Variants in TRPC7 observed in about 807,000 individuals in gnomAD.
TRPC7 encodes short transient receptor potential channel 7.
Under a neutral mutation model 90.1 loss-of-function variants are expected in TRPC7, and 42 were observed. That is an observed-to-expected ratio of 0.47 (90% confidence interval 0.36 to 0.60). The LOEUF (loss-of-function observed/expected upper bound fraction) is 0.60. Ranked by LOEUF, TRPC7 falls within the 20% of genes least tolerant of loss-of-function variation. The pLI is 0.00. For synonymous variants in TRPC7, 451 were observed against 436.3 expected (o/e 1.03, Z -0.42); for missense variants, 955 against 1,112.3 (o/e 0.86, Z 2.01).
At chr5:136,302,499 A>G (rs1758436464) in intron 3 of TRPC7, among the ~76,000 whole-genome samples, 1 of 150,894 alleles carries the variant, frequency 6.6e-6, no homozygotes, top group Admixed American at 6.6e-5. Context: ...GAACCCCTGA[A>G]CCCCTTCCCT....
chr5:136,271,807 G>A (rs556914585), intron 4 of TRPC7, among the ~76,000 whole-genome samples: 21 of 152,258 alleles, frequency 1.4e-4, no homozygotes, highest in African/African-American at 5.1e-4. Flanking sequence ...CAACATATTA[G>A]TAAGCTGAAC....
At chr5:136,323,169 T>C (rs1207497804) in intron 2 of TRPC7, among the ~76,000 whole-genome samples, 2 of 152,224 alleles carry the variant, frequency 1.3e-5, no homozygotes, top group African/African-American at 4.8e-5. Flanking sequence ...AAAACCCCTT[T>C]CACTTGGCTC....
chr5:136,221,421 G>C (rs143285017), intron 10 of TRPC7, among the ~76,000 whole-genome samples: 1 of 152,148 alleles, frequency 6.6e-6, no homozygotes, highest in Non-Finnish European at 1.5e-5. Context: ...GCCCAGACCC[G>C]GCCCAAACTA....
chr5:136,227,901 G>C (rs1337079521), intron 8 of TRPC7, among the ~76,000 whole-genome samples: 3 of 152,234 alleles, frequency 2.0e-5, no homozygotes, highest in Non-Finnish European at 4.4e-5. Flanking sequence ...CAGACATTTA[G>C]TAAGCCCTCA....
chr5:136,261,973 G>A (rs1049584168), intron 5 of TRPC7, among the ~76,000 whole-genome samples: 26 of 152,208 alleles, frequency 1.7e-4, no homozygotes, highest in African/African-American at 6.3e-4. Flanking sequence ...TTTCTAATAT[G>A]CCAGTGCTTG....
intron 3 of TRPC7, among the ~76,000 whole-genome samples, chr5:136,304,319 T>C (rs757015122): frequency 6.6e-5 from 10 of 152,154 alleles, no homozygotes; most frequent in Admixed American, 2.0e-4. Flanking sequence ...CACAGCACTC[T>C]TTAAAAGGAT....
At chr5:136,364,001 C>T (rs1271713626) in intron 1 of TRPC7, among the ~76,000 whole-genome samples, 7 of 152,092 alleles carry the variant, frequency 4.6e-5, no homozygotes, top group Non-Finnish European at 1.0e-4. Flanking sequence ...TTGATGATTT[C>T]ACTGACCTCT....
intron 5 of TRPC7, 89 bp from the exon 6 acceptor site, chr5:136,251,971 T>C (rs765439611): frequency 3.9e-6 from 4 of 1,032,250 alleles, no homozygotes; most frequent in East Asian, 2.4e-5. Context: ...AGAGTACAAA[T>C]GTAAATATCA....
chr5:136,269,300 G>A (rs1291086048), intron 4 of TRPC7, among the ~76,000 whole-genome samples: 1 of 152,184 alleles, frequency 6.6e-6, no homozygotes, highest in Non-Finnish European at 1.5e-5. Flanking sequence ...TTGGCTCTGA[G>A]AAATATATGA....
chr5:136,360,070 A>G (rs1760522081), intron 1 of TRPC7, among the ~76,000 whole-genome samples: 1 of 152,292 alleles, frequency 6.6e-6, no homozygotes, highest in South Asian at 2.1e-4. Flanking sequence ...GTCAGACTAC[A>G]AGGTCAAGGG....
intron 4 of TRPC7, among the ~76,000 whole-genome samples, chr5:136,274,011 C>G (rs980577913): frequency 1.3e-5 from 2 of 152,158 alleles, no homozygotes; most frequent in African/African-American, 4.8e-5. Flanking sequence ...GGACACTCCC[C>G]CTCAGGGAAA....
chr5:136,360,060 G>C (rs181516747), intron 1 of TRPC7, among the ~76,000 whole-genome samples: 186 of 152,198 alleles, frequency 1.2e-3, no homozygotes, highest in Non-Finnish European at 2.2e-3. Flanking sequence ...GGGAGAATAG[G>C]TCAGACTACA....
intron 1 of TRPC7, among the ~76,000 whole-genome samples, chr5:136,359,888 C>T (rs1760514940): frequency 6.6e-6 from 1 of 152,146 alleles, no homozygotes; most frequent in Non-Finnish European, 1.5e-5. Context: ...CTCTCAGAAA[C>T]ACTTTTTTTT....
chr5:136,263,080 A>C (rs918430472), intron 5 of TRPC7, among the ~76,000 whole-genome samples: 5 of 152,248 alleles, frequency 3.3e-5, no homozygotes, highest in African/African-American at 4.8e-5. Context: ...TCATGAATTC[A>C]TAGAGTGAAA....
At chr5:136,326,286 T>G (rs887511021) in intron 2 of TRPC7, among the ~76,000 whole-genome samples, 1 of 152,212 alleles carries the variant, frequency 6.6e-6, no homozygotes, top group African/African-American at 2.4e-5. Context: ...GACAACTCAT[T>G]GTCAAGACCC....
chr5:136,273,932 G>T (rs1462123720), intron 4 of TRPC7, among the ~76,000 whole-genome samples: 1 of 152,196 alleles, frequency 6.6e-6, no homozygotes, highest in Non-Finnish European at 1.5e-5. Flanking sequence ...GGGATGTGGG[G>T]ATGGTGGAGC....
chr5:136,258,042 A>G (rs138469047), intron 5 of TRPC7, among the ~76,000 whole-genome samples: 2 of 152,268 alleles, frequency 1.3e-5, no homozygotes, highest in African/African-American at 4.8e-5. Flanking sequence ...TTTGAAATGA[A>G]TGAATTTGGA....
Position 136,266,201 on chromosome 5 carries a change from AAT to A in TRPC7, c.1345+17_1345+18del. ...CTATAATTAGCAAGGAGAGAATAAAAATAGAGTGACTTGCTTACCTAAGACCC... is the reference window on the plus strand; with the variant it reads ...CTATAATTAGCAAGGAGAGAATAAAAAGAGTGACTTGCTTACCTAAGACCC... On this transcript the variant is annotated intron_variant, in intron 5 of 11. Coordinates refer to ENST00000513104, the MANE Select transcript of TRPC7 (RefSeq NM_020389.3). The A allele has an allele frequency of 6.2e-7, 1 of 1,600,620 alleles. No homozygotes were observed. The highest frequency in any genetic ancestry group is 8.6e-7 in the Non-Finnish European group (1 of 1,167,794).
In TRPC7 at chr5:136,266,288, T is replaced by A. The variant is rs768816927; in HGVS notation, c.1277A>T (p.Lys426Ile). 6.2e-7 allele frequency: 1 copy of A among 1,613,968 alleles called. No homozygotes were observed. Among genetic ancestry groups the A allele is most frequent in the Non-Finnish European group, 8.5e-7 (1 of 1,179,822 alleles). ...TGTGGTTTTCACTCTGAAGATTTGT[T>A]TTGGGTAGTCTGTGAAGGTTTCGTT... Reference protein sequence around the residue: ...LPNETFTDYPKQIFRVKTTQF... With the variant: ...LPNETFTDYPIQIFRVKTTQF... The change falls in exon 5 of 12, where the codon AAA becomes ATA. Residue 426 changes from lysine (K) to isoleucine (I), a missense_variant. Lys to Ile is a moderately radical substitution (Grantham distance 102, BLOSUM62 -3). Coordinates refer to ENST00000513104, the MANE Select transcript of TRPC7 (RefSeq NM_020389.3).
Sources: allele counts gnomAD v4.1 joint callset (sites outside exome capture counted in the v4.1 genomes callset), GRCh38; gene constraint gnomAD v4.1.1; transcripts MANE v1.5; gene names NCBI Gene and HGNC (gene_info 2026-07-23, HGNC 2026-07-21).